The following ITPKB variants were observed in gnomAD, a reference collection of about 807,000 sequenced individuals.
ITPKB encodes the protein IP3 3-kinase B.
In ITPKB, 13 loss-of-function variants were observed where a neutral mutation model predicts 69.4. That is an observed-to-expected ratio of 0.19 (90% CI 0.12 to 0.30). The LOEUF (loss-of-function observed/expected upper bound fraction) is 0.30. Among genes scored for constraint, ITPKB ranks in the 10% least tolerant of loss-of-function variants. ITPKB has a pLI of 1.00. For missense variants in ITPKB, 1,240 were observed against 1,250.5 expected (o/e 0.99, Z 0.13); for synonymous variants, 584 against 513.7 (o/e 1.14, Z -1.85).
At chr1:226,711,440 A>AGTGTGT (rs1317310111) in intron 2 of ITPKB, among the ~76,000 whole-genome samples, 80 of 95,546 alleles carry the variant, frequency 8.4e-4, no homozygotes, top group African/African-American at 3.2e-3. Context: ...AGAGAGAGAG[A>AGTGTGT]GAGTGTGTGT....
At chr1:226,695,140 G>A (rs1356407465) in intron 2 of ITPKB, among the ~76,000 whole-genome samples, 1 of 152,194 alleles carries the variant, frequency 6.6e-6, no homozygotes, top group Non-Finnish European at 1.5e-5. Context: ...TGAGGCAAGA[G>A]AATTGCTTGA....
chr1:226,712,923 C>G (rs1657006242), intron 2 of ITPKB, among the ~76,000 whole-genome samples: 1 of 152,114 alleles, frequency 6.6e-6, no homozygotes, highest in Non-Finnish European at 1.5e-5. Flanking sequence ...CGCAGCTGCA[C>G]ACAACTTCCA....
Position 226,639,543 on chromosome 1 carries a change from G to A in ITPKB, c.2553+14C>T. 1 of 1,530,090 alleles carries A rather than the reference G, an allele frequency of 6.5e-7. No homozygotes were observed. Among genetic ancestry groups the A allele is most frequent in the South Asian group, 1.1e-5 (1 of 89,350 alleles). 94.8% of individuals were successfully genotyped at this position (1,530,090 alleles called of 1,614,324 possible). A position where few individuals can be genotyped will look rare whatever the true frequency, so the allele number is the denominator to read the frequency against. On this transcript the variant is annotated intron_variant, in intron 6 of 7. Transcript: ENST00000429204. ...GCTGGCTGGAGAGACCCTCTCTGGA[G>A]GTGCCAGACTCACCAGGATGTTATG...
At chr1:226,713,461 G>A (rs889229572) in intron 2 of ITPKB, among the ~76,000 whole-genome samples, 2 of 152,194 alleles carry the variant, frequency 1.3e-5, no homozygotes, top group African/African-American at 2.4e-5. Flanking sequence ...CAAGGACGGC[G>A]TCCTCCCCAC....
At chr1:226,671,263 A>T (rs1436917442) in intron 2 of ITPKB, among the ~76,000 whole-genome samples, 1 of 152,170 alleles carries the variant, frequency 6.6e-6, no homozygotes, top group Non-Finnish European at 1.5e-5. Context: ...TTCAAACAAC[A>T]TGGGTAAGAA....
intron 2 of ITPKB, among the ~76,000 whole-genome samples, chr1:226,652,206 A>G (rs1250097402): frequency 6.6e-6 from 1 of 152,244 alleles, no homozygotes; most frequent in Non-Finnish European, 1.5e-5. Flanking sequence ...CAACCACTCC[A>G]GCCTAGCCCC....
chr1:226,691,662 T>C (rs1656355621), intron 2 of ITPKB, among the ~76,000 whole-genome samples: 1 of 152,174 alleles, frequency 6.6e-6, no homozygotes, highest in African/African-American at 2.4e-5. Context: ...AAGACTGAGG[T>C]CTTTAGGAAA....
At chr1:226,696,166 T>C (rs1475302318) in intron 2 of ITPKB, among the ~76,000 whole-genome samples, 2 of 152,190 alleles carry the variant, frequency 1.3e-5, no homozygotes, top group Non-Finnish European at 2.9e-5. Context: ...ACTAGCTGGG[T>C]GAATTTAGAC....
chr1:226,715,947 A>T (rs1163315731), intron 2 of ITPKB, among the ~76,000 whole-genome samples: 2 of 152,202 alleles, frequency 1.3e-5, no homozygotes, highest in Non-Finnish European at 2.9e-5. Context: ...AGTAGCTAGG[A>T]CTACAGGTGC....
At chr1:226,689,569 T>TGTGTG (rs1553255310) in intron 2 of ITPKB, among the ~76,000 whole-genome samples, 1 of 138,474 alleles carries the variant, frequency 7.2e-6, no homozygotes, top group African/African-American at 2.7e-5. Flanking sequence ...AAGGTTTTAT[T>TGTGTG]TGTGTGTGTG....
At chr1:226,726,007 G>C (rs1439152403) in intron 2 of ITPKB, among the ~76,000 whole-genome samples, 1 of 152,098 alleles carries the variant, frequency 6.6e-6, no homozygotes, top group Non-Finnish European at 1.5e-5. Context: ...TCCTCTTTTT[G>C]TAAAAAAGCA....
chr1:226,729,740 G>A (rs1026069783), intron 2 of ITPKB, among the ~76,000 whole-genome samples: 4 of 151,468 alleles, frequency 2.6e-5, no homozygotes, highest in Admixed American at 6.6e-5. Flanking sequence ...CACCATGCCC[G>A]GCTAACTTTC....
chr1:226,678,924 T>A (rs1392061526), intron 2 of ITPKB, among the ~76,000 whole-genome samples: 1 of 152,210 alleles, frequency 6.6e-6, no homozygotes, highest in East Asian at 1.9e-4. Context: ...AAGAGGGGCA[T>A]CTCAGGGAGC....
At position 226,737,015 on chromosome 1, in the gene ITPKB, G is replaced by T. The variant is rs999519218; in HGVS notation, c.444C>A (p.Gly148=). The change falls in exon 2 of 8, where the codon GGC becomes GGA. Residue 148 remains glycine, a synonymous_variant. Coordinates refer to ENST00000429204, the MANE Select transcript of ITPKB (RefSeq NM_002221.4). ...LQNVQVNQKV[G]MFEAHIQAQS... is the part of the protein sequence containing the mutation. ...GTGCCTGGATGTGCGCCTCAAACAT[G>T]CCCACTTTCTGGTTCACCTGCACGT... is the stretch of plus-strand genomic sequence containing the variant. The T allele has an allele frequency of 1.2e-6, 2 of 1,612,664 alleles. No homozygotes were observed. The highest frequency in any genetic ancestry group is 1.7e-6 in the Non-Finnish European group (2 of 1,179,942).
chr1:226,673,351 G>C (rs1669659442), intron 2 of ITPKB, among the ~76,000 whole-genome samples: 1 of 152,320 alleles, frequency 6.6e-6, no homozygotes, highest in South Asian at 2.1e-4. Context: ...GGGTGACAGA[G>C]CATGACCCTG....
At chr1:226,733,495 C>T (rs1237314729) in intron 2 of ITPKB, among the ~76,000 whole-genome samples, 4 of 152,096 alleles carry the variant, frequency 2.6e-5, no homozygotes, top group African/African-American at 4.8e-5. Context: ...CTTTGCTTAT[C>T]GTGCAAGCAC....
chr1:226,725,614 T>C (rs1657388582), intron 2 of ITPKB, among the ~76,000 whole-genome samples: 1 of 152,202 alleles, frequency 6.6e-6, no homozygotes, highest in Admixed American at 6.5e-5. Flanking sequence ...CTCCCTATCA[T>C]GATTCAGCAG....
chr1:226,675,800 G>C (rs938616419), intron 2 of ITPKB, among the ~76,000 whole-genome samples: 1 of 152,200 alleles, frequency 6.6e-6, no homozygotes, highest in Non-Finnish European at 1.5e-5. Context: ...TAAGATTCGA[G>C]TCTGCATAAA....
At chr1:226,710,065 A>G (rs1012632045) in intron 2 of ITPKB, among the ~76,000 whole-genome samples, 2 of 152,136 alleles carry the variant, frequency 1.3e-5, no homozygotes, top group Non-Finnish European at 2.9e-5. Flanking sequence ...AGTGACAGAT[A>G]AATCTGTCTT....
Sources: allele counts gnomAD v4.1 joint callset (sites outside exome capture counted in the v4.1 genomes callset), GRCh38; gene constraint gnomAD v4.1.1; transcripts MANE v1.5; gene names NCBI Gene and HGNC (gene_info 2026-07-23, HGNC 2026-07-21).